SPON1: variants seen among roughly 807,000 people sequenced by gnomAD.
SPON1 encodes spondin 1, also known as spondin-1.
In SPON1, 52 loss-of-function variants were observed where a neutral mutation model predicts 111.7. That is an observed-to-expected ratio of 0.47 (90% CI 0.37 to 0.59). The LOEUF (loss-of-function observed/expected upper bound fraction) is 0.59. Among genes scored for constraint, SPON1 ranks in the 20% least tolerant of loss-of-function variants. SPON1 has a pLI of 0.00. For synonymous variants in SPON1, 410 were observed against 395.8 expected (o/e 1.04, Z -0.43); for missense variants, 957 against 1,068.5 (o/e 0.90, Z 1.46).
chr11:14,113,794 C>CG (rs1849246209), intron 5 of SPON1, among the ~76,000 whole-genome samples: 1 of 151,204 alleles, frequency 6.6e-6, no homozygotes, highest in South Asian at 2.1e-4. Context: ...TTAGTAGAGA[C>CG]GGGGTTTCAC....
chr11:14,084,134 CT>C lies in SPON1; in HGVS notation c.676+4124del, dbSNP rs879987079. ...TTTTTATTGTTTTTTCAAGGACATT[CT>C]TTTTTTTTTTAACTTTAAGTTCTGG... is the stretch of plus-strand genomic sequence containing the variant. On this transcript the variant is annotated intron_variant, in intron 5 of 15. Transcript: ENST00000576479. 4.6e-3 allele frequency among the ~76,000 whole-genome samples: 673 copies of C among 146,234 alleles called. 2 individuals carry two copies. Among genetic ancestry groups the C allele is most frequent in the African/African-American group, 0.014 (565 of 40,090 alleles).
chr11:14,230,689 C>G (rs1196044423), intron 6 of SPON1, among the ~76,000 whole-genome samples: 1 of 152,246 alleles, frequency 6.6e-6, no homozygotes, highest in African/African-American at 2.4e-5. Context: ...CATGACTAAC[C>G]AGTTGAGAAA....
chr11:14,028,872 C>CT (rs1302380269), intron 2 of SPON1, among the ~76,000 whole-genome samples: 1 of 152,208 alleles, frequency 6.6e-6, no homozygotes, highest in East Asian at 1.9e-4. Context: ...CACATCTTCT[C>CT]TCCCCACTAC....
chr11:14,082,273 T>A (rs1554922130), intron 5 of SPON1, among the ~76,000 whole-genome samples: 1 of 152,192 alleles, frequency 6.6e-6, no homozygotes, highest in East Asian at 1.9e-4. Flanking sequence ...AGTTTCTTAG[T>A]AAATATAGCA....
intron 5 of SPON1, among the ~76,000 whole-genome samples, chr11:14,089,400 G>C (rs1026418375): frequency 2.0e-5 from 3 of 152,164 alleles, no homozygotes; most frequent in African/African-American, 7.2e-5. Context: ...CTCTTCTGCA[G>C]GTATGCTGCA....
In SPON1 at chr11:14,230,338, AC is replaced by A. The variant is rs1848785111; in HGVS notation, c.826-12991del. On this transcript the variant is annotated intron_variant, in intron 6 of 15. Coordinates refer to ENST00000576479, the MANE Select transcript of SPON1 (RefSeq NM_006108.4). ...AAGTGAAATGTTATTACATTTAAAG[AC>A]CCAGCAAACTAGGCTGCCAGAATAA... 5.3e-5 allele frequency among the ~76,000 whole-genome samples: 8 copies of A among 152,296 alleles called. No homozygotes were observed. The South Asian group carries it at 1.7e-3, about 32-fold the overall frequency.
At chr11:14,238,471 G>T (rs1488250625) in intron 6 of SPON1, among the ~76,000 whole-genome samples, 2 of 152,170 alleles carry the variant, frequency 1.3e-5, no homozygotes, top group African/African-American at 4.8e-5. Context: ...CTTCCTCATT[G>T]GGTGGCTGGC....
At chr11:14,092,332 T>C (rs1554923496) in intron 5 of SPON1, among the ~76,000 whole-genome samples, 1 of 152,240 alleles carries the variant, frequency 6.6e-6, no homozygotes, top group Non-Finnish European at 1.5e-5. Context: ...AGTTTTCACC[T>C]TCTAGACCCC....
intron 6 of SPON1, among the ~76,000 whole-genome samples, chr11:14,192,544 A>G (rs1848357576): frequency 6.6e-6 from 1 of 152,220 alleles, no homozygotes; most frequent in Non-Finnish European, 1.5e-5. Flanking sequence ...TCAATCTCTT[A>G]CAGGGGTACA....
intron 2 of SPON1, among the ~76,000 whole-genome samples, chr11:13,987,348 C>A (rs547796088): frequency 1.3e-5 from 2 of 152,286 alleles, no homozygotes; most frequent in East Asian, 3.9e-4. Context: ...TGTCTGTTGG[C>A]TGCATAAATG....
intron 5 of SPON1, among the ~76,000 whole-genome samples, chr11:14,091,230 C>T (rs955024567): frequency 2.6e-5 from 4 of 152,234 alleles, no homozygotes; most frequent in Non-Finnish European, 5.9e-5. Context: ...AGACTCTCCA[C>T]GTCCCCACCA....
intron 6 of SPON1, among the ~76,000 whole-genome samples, chr11:14,205,258 G>A (rs952195055): frequency 2.6e-5 from 4 of 152,122 alleles, no homozygotes; most frequent in African/African-American, 7.2e-5. Context: ...GACGCATATC[G>A]TATTATTACA....
intron 6 of SPON1, among the ~76,000 whole-genome samples, chr11:14,147,644 CG>C (rs1436768499): frequency 6.6e-6 from 1 of 150,836 alleles, no homozygotes; most frequent in Admixed American, 6.6e-5. Flanking sequence ...CTCGAACTCC[CG>C]AACTCAACTG....
At chr11:14,188,001 G>A (rs1848305267) in intron 6 of SPON1, among the ~76,000 whole-genome samples, 2 of 152,082 alleles carry the variant, frequency 1.3e-5, no homozygotes, top group Admixed American at 6.5e-5. Context: ...GACTGGTCTT[G>A]AACTTTCAAC....
chr11:14,021,885 G>A (rs373606039), intron 2 of SPON1, among the ~76,000 whole-genome samples: 40 of 152,156 alleles, frequency 2.6e-4, no homozygotes, highest in African/African-American at 3.6e-4. Flanking sequence ...ATCACCCATC[G>A]CTCTTGCTCT....
intron 4 of SPON1, among the ~76,000 whole-genome samples, chr11:14,075,768 T>C (rs1048580928): frequency 3.3e-5 from 5 of 152,294 alleles, no homozygotes; most frequent in African/African-American, 1.2e-4. Context: ...TCTGTAATGG[T>C]TCTTTGGAAA....
intron 2 of SPON1, among the ~76,000 whole-genome samples, chr11:13,985,674 C>T (rs7946736): frequency 0.022 from 3,329 of 152,004 alleles, 129 homozygotes; most frequent in African/African-American, 0.075. Context: ...TTCTTTTTTC[C>T]CCTTAATTCT....
At chr11:14,166,902 T>A (rs1157074636) in intron 6 of SPON1, among the ~76,000 whole-genome samples, 5 of 152,106 alleles carry the variant, frequency 3.3e-5, no homozygotes, top group African/African-American at 1.2e-4. Context: ...AAATAGCTCA[T>A]TATAAAACCA....
chr11:14,219,947 C>T (rs4128526), intron 6 of SPON1, among the ~76,000 whole-genome samples: 51,359 of 151,720 alleles, frequency 0.34, 9,050 homozygotes, highest in Admixed American at 0.44. Flanking sequence ...ATTAGCTGGG[C>T]GTGATGGTGT....
Sources: gnomAD v4.1 joint callset for allele counts (sites outside exome capture counted in the v4.1 genomes callset) on GRCh38, gnomAD v4.1.1 for gene constraint, MANE v1.5 for transcripts, NCBI Gene and HGNC (gene_info 2026-07-23, HGNC 2026-07-21) for gene names.